The following ASCC3 variants were observed in gnomAD, a reference collection of about 807,000 sequenced individuals.
ASCC3 encodes the protein activating signal cointegrator 1 complex subunit 3, also known as ASC-1 complex subunit P200.
In ASCC3, 158 loss-of-function variants were observed where a neutral mutation model predicts 256.3. That is an observed-to-expected ratio of 0.62 (90% CI 0.54 to 0.70). The LOEUF is 0.70. ASCC3 is among the 30% of genes least tolerant of loss of function. ASCC3 has a pLI of 0.00. For synonymous variants in ASCC3, 948 were observed against 883.4 expected (o/e 1.07, Z -1.30); for missense variants, 2,259 against 2,626.0 (o/e 0.86, Z 3.05).
chr6:100,791,419 C>T (rs1278309709), intron 8 of ASCC3, among the ~76,000 whole-genome samples: 1 of 151,974 alleles, frequency 6.6e-6, no homozygotes, highest in Non-Finnish European at 1.5e-5. Context: ...TAATCTCCAA[C>T]ATTTTATGCC....
intron 13 of ASCC3, among the ~76,000 whole-genome samples, chr6:100,701,516 T>G (rs1778351389): frequency 6.6e-6 from 1 of 152,118 alleles, no homozygotes; most frequent in South Asian, 2.1e-4. Flanking sequence ...TTATCAGCAG[T>G]GTGAAAATGG....
intron 17 of ASCC3, among the ~76,000 whole-genome samples, chr6:100,654,110 T>C (rs143675423): frequency 2.6e-4 from 39 of 152,212 alleles, no homozygotes; most frequent in African/African-American, 6.7e-4. Context: ...AAGAGTTACA[T>C]CAGCAAATAC....
At chr6:100,634,012 A>G (rs1375372635) in intron 25 of ASCC3, among the ~76,000 whole-genome samples, 2 of 152,220 alleles carry the variant, frequency 1.3e-5, no homozygotes, top group African/African-American at 4.8e-5. Flanking sequence ...GAAAACATGA[A>G]TAAAATGTGT....
Position 100,848,536 on chromosome 6 carries a change from A to G in ASCC3, c.413T>C (p.Ile138Thr). The G allele has an allele frequency of 2.5e-6, 4 of 1,614,158 alleles. No individual in the cohort carries two copies. Among genetic ancestry groups the G allele is most frequent in the Non-Finnish European group, 3.4e-6 (4 of 1,180,020 alleles). The change falls in exon 4 of 42, where the codon ATT becomes ACT. Residue 138 changes from isoleucine to threonine, a missense_variant. Coordinates refer to ENST00000369162, the MANE Select transcript of ASCC3 (RefSeq NM_006828.4). ...AAGATCATCTTGACTAAAATGAGAA[A>G]TAATTCGATTAGTAGCATTACAAGC... ...TAACNATNRI[I>T]SHFSQDDLTA...
At chr6:100,793,954 A>G (rs1011425421) in intron 8 of ASCC3, among the ~76,000 whole-genome samples, 10 of 151,972 alleles carry the variant, frequency 6.6e-5, no homozygotes, top group African/African-American at 2.2e-4. Flanking sequence ...CACTGCTCAA[A>G]ACAAAAAGCC....
intron 13 of ASCC3, among the ~76,000 whole-genome samples, chr6:100,689,783 T>C (rs778824999): frequency 3.9e-5 from 6 of 152,188 alleles, no homozygotes; most frequent in Non-Finnish European, 8.8e-5. Context: ...TATTTAAATT[T>C]AACAGCAGAC....
At chr6:100,821,705 T>C (rs1390823016) in intron 4 of ASCC3, among the ~76,000 whole-genome samples, 1 of 151,876 alleles carries the variant, frequency 6.6e-6, no homozygotes, top group Non-Finnish European at 1.5e-5. Flanking sequence ...GAGCCTGTAA[T>C]CCCAGCTACT....
At chr6:100,859,263 T>A in intron 3 of ASCC3, 1 of 778,214 alleles carries the variant, frequency 1.3e-6, no homozygotes, top group South Asian at 1.3e-5. Context: ...TGCTTCCACA[T>A]CTTGGCCCCA....
chr6:100,711,934 A>G (rs1159165741), intron 13 of ASCC3, among the ~76,000 whole-genome samples: 1 of 152,210 alleles, frequency 6.6e-6, no homozygotes, highest in African/African-American at 2.4e-5. Flanking sequence ...AGACTTACAA[A>G]CAGATTAATG....
At chr6:100,716,077 T>C (rs148881634) in intron 12 of ASCC3, among the ~76,000 whole-genome samples, 2 of 151,882 alleles carry the variant, frequency 1.3e-5, no homozygotes, top group East Asian at 3.9e-4. Flanking sequence ...TTCAGATTAA[T>C]TGGAAATCTA....
chr6:100,592,661 G>T (rs1772064815), intron 34 of ASCC3, among the ~76,000 whole-genome samples: 1 of 152,018 alleles, frequency 6.6e-6, no homozygotes, highest in Non-Finnish European at 1.5e-5. Flanking sequence ...TTACTTCTAT[G>T]AGGTGAACTT....
At chr6:100,662,872 A>C (rs1466671182) in intron 14 of ASCC3, among the ~76,000 whole-genome samples, 2 of 152,044 alleles carry the variant, frequency 1.3e-5, no homozygotes, top group African/African-American at 4.8e-5. Context: ...ACTAAATCTC[A>C]GTGGCTTCTC....
intron 8 of ASCC3, among the ~76,000 whole-genome samples, chr6:100,779,586 G>A (rs1167975763): frequency 6.6e-6 from 1 of 152,126 alleles, no homozygotes; most frequent in Admixed American, 6.6e-5. Context: ...TTTTACATGA[G>A]TGAGCCACCT....
At chr6:100,524,567 A>G (rs1352744793) in intron 37 of ASCC3, among the ~76,000 whole-genome samples, 2 of 152,146 alleles carry the variant, frequency 1.3e-5, no homozygotes, top group Admixed American at 6.6e-5. Flanking sequence ...TTAAATGTAC[A>G]TAAAGAGGTA....
intron 1 of ASCC3, among the ~76,000 whole-genome samples, chr6:100,868,658 CAG>C (rs1417180337): frequency 6.6e-6 from 1 of 152,198 alleles, no homozygotes; most frequent in Non-Finnish European, 1.5e-5. Flanking sequence ...AGCTTCATGA[CAG>C]AAAGATCTCT....
chr6:100,554,958 G>A (rs1430243639), intron 36 of ASCC3, among the ~76,000 whole-genome samples: 2 of 151,282 alleles, frequency 1.3e-5, no homozygotes, highest in Non-Finnish European at 2.9e-5. Flanking sequence ...TTATGATTTG[G>A]ACTTTTATTA....
chr6:100,721,427 C>T (rs569546930), intron 11 of ASCC3, among the ~76,000 whole-genome samples: 60 of 151,744 alleles, frequency 4.0e-4, no homozygotes, highest in African/African-American at 1.4e-3. Flanking sequence ...AATAGCTCTC[C>T]TTTGTGTAAA....
chr6:100,678,120 A>G (rs1337153246), intron 14 of ASCC3, among the ~76,000 whole-genome samples: 1 of 152,192 alleles, frequency 6.6e-6, no homozygotes, highest in African/African-American at 2.4e-5. Context: ...GACACCAGTG[A>G]CCACTTAATA....
chr6:100,702,673 T>C (rs1328100476), intron 13 of ASCC3, among the ~76,000 whole-genome samples: 1 of 152,024 alleles, frequency 6.6e-6, no homozygotes, highest in East Asian at 1.9e-4. Context: ...GATTAGAGGA[T>C]AAAGAAAAAC....
Sources: allele counts gnomAD v4.1 joint callset (sites outside exome capture counted in the v4.1 genomes callset), GRCh38; gene constraint gnomAD v4.1.1; transcripts MANE v1.5; gene names NCBI Gene and HGNC (gene_info 2026-07-23, HGNC 2026-07-21).